Variants in PARD3B observed in about 807,000 individuals in gnomAD.
PARD3B encodes partitioning defective 3 homolog B.
A neutral mutation model predicts 130.2 loss-of-function variants in PARD3B; 103 were observed. That is an observed-to-expected ratio of 0.79 (90% CI 0.67 to 0.93). The LOEUF (loss-of-function observed/expected upper bound fraction) is 0.93, where lower values mean the gene tolerates loss of function less well. PARD3B is among the 40% of genes least tolerant of loss of function. PARD3B has a pLI of 0.00. For synonymous variants in PARD3B, 583 were observed against 553.2 expected (o/e 1.05, Z -0.76); for missense variants, 1,609 against 1,499.2 (o/e 1.07, Z -1.21).
chr2:204,908,373 T>C lies in PARD3B; in HGVS notation c.223-56779T>C, dbSNP rs191816985. On this transcript the variant is annotated intron_variant, in intron 2 of 22. Coordinates refer to ENST00000406610, the MANE Select transcript of PARD3B (RefSeq NM_001302769.2). ...TGTCCAAATTCATGCAAAAAGGAAG[T>C]GGAAGAAATTGAACCCAAATACCAC... 3.1e-3 allele frequency among the ~76,000 whole-genome samples: 473 copies of C among 152,238 alleles called. 2 individuals carry two copies. Among genetic ancestry groups the C allele is most frequent in the African/African-American group, 0.011 (459 of 41,554 alleles).
chr2:205,054,432 ATATATTTTT>A (rs1358979378), intron 4 of PARD3B, among the ~76,000 whole-genome samples: 19 of 30,990 alleles, frequency 6.1e-4, no homozygotes, highest in Admixed American at 1.3e-3. Context: ...ATATATATAT[ATATATTTTT>A]TTTTTTTTTT....
Position 205,585,481 on chromosome 2 carries a change from G to C in PARD3B, c.3261-29975G>C, listed in dbSNP as rs915479343. On this transcript the variant is annotated intron_variant, in intron 22 of 22. Coordinates refer to ENST00000406610, the MANE Select transcript of PARD3B (RefSeq NM_001302769.2). The surrounding 1 kb of genome is among the most constrained non-coding windows in gnomAD (Gnocchi z 5.4). ...TGGGGATGAGAAGGCCAGGATGGTA[G>C]CCTCCGGAAGAATCGGCAGGCATTT... is the stretch of plus-strand genomic sequence containing the variant. 6.6e-6 allele frequency among the ~76,000 whole-genome samples: 1 copy of C among 152,158 alleles called. No individual in the cohort carries two copies. Among genetic ancestry groups the C allele is most frequent in the African/African-American group, 2.4e-5 (1 of 41,446 alleles).
intron 10 of PARD3B, among the ~76,000 whole-genome samples, chr2:205,138,212 T>A (rs944749847): frequency 6.6e-6 from 1 of 152,224 alleles, no homozygotes; most frequent in Non-Finnish European, 1.5e-5. Context: ...ATAATTCTTA[T>A]TCTTATTTTC....
At chr2:204,687,703 A>G (rs2037154360) in intron 2 of PARD3B, among the ~76,000 whole-genome samples, 1 of 152,002 alleles carries the variant, frequency 6.6e-6, no homozygotes, top group Non-Finnish European at 1.5e-5. Flanking sequence ...TAGTTCTTTC[A>G]CCCTGTTTCA....
At chr2:205,149,081 T>A (rs2033567996) in intron 10 of PARD3B, among the ~76,000 whole-genome samples, 1 of 152,178 alleles carries the variant, frequency 6.6e-6, no homozygotes, top group African/African-American at 2.4e-5. Flanking sequence ...CATTTGTGAT[T>A]CCAGAGATGG....
intron 1 of PARD3B, among the ~76,000 whole-genome samples, chr2:204,549,800 G>A (rs941850206): frequency 1.3e-5 from 2 of 152,142 alleles, no homozygotes; most frequent in African/African-American, 2.4e-5. Context: ...ATTATGAAGT[G>A]CAGGGCTTAA....
At chr2:204,861,690 G>C (rs1009586149) in intron 2 of PARD3B, among the ~76,000 whole-genome samples, 1 of 151,948 alleles carries the variant, frequency 6.6e-6, no homozygotes, top group Non-Finnish European at 1.5e-5. Flanking sequence ...ATAATTTTCT[G>C]TCAGTCTTTA....
intron 2 of PARD3B, among the ~76,000 whole-genome samples, chr2:204,712,779 C>G (rs974523261): frequency 1.3e-5 from 2 of 151,894 alleles, no homozygotes; most frequent in African/African-American, 2.4e-5. Context: ...TAGAGTAATA[C>G]CTTTTAAATT....
intron 3 of PARD3B, among the ~76,000 whole-genome samples, chr2:204,979,319 G>T (rs1245569199): frequency 6.6e-6 from 1 of 152,164 alleles, no homozygotes; most frequent in Non-Finnish European, 1.5e-5. Flanking sequence ...GATGAAGGCG[G>T]GCAACCAGCC....
At position 205,244,233 on chromosome 2, in the gene PARD3B, A is replaced by G. The variant is rs1480468553; in HGVS notation, c.2141-1545A>G. Among the ~76,000 whole-genome samples the G allele has an allele frequency of 1.3e-5, 2 of 152,188 alleles. No individual in the cohort carries two copies. Among genetic ancestry groups the G allele is most frequent in the Non-Finnish European group, 1.5e-5 (1 of 68,034 alleles). On this transcript the variant is annotated intron_variant, in intron 15 of 22. Coordinates refer to ENST00000406610, the MANE Select transcript of PARD3B (RefSeq NM_001302769.2). This position sits in a 1 kb window ranked among gnomAD's most constrained non-coding sequence, Gnocchi z 4.7. ...TAAGACTGAATGTTGTGGGCAGAGA[A>G]AAAAAGGGACATGTTACTCTGAGAT... is the stretch of plus-strand genomic sequence containing the variant.
At chr2:204,913,475 C>T (rs942142054) in intron 2 of PARD3B, among the ~76,000 whole-genome samples, 2 of 152,102 alleles carry the variant, frequency 1.3e-5, no homozygotes, top group African/African-American at 2.4e-5. Context: ...GCTGTAGTAC[C>T]GCTAGCACTA....
At chr2:205,518,548 C>A (rs956889871) in intron 21 of PARD3B, among the ~76,000 whole-genome samples, 1 of 152,006 alleles carries the variant, frequency 6.6e-6, no homozygotes, top group Admixed American at 6.6e-5. Flanking sequence ...CCATTCTGTG[C>A]CTTTTTAAGT....
chr2:205,073,474 C>T (rs368381673), intron 4 of PARD3B, among the ~76,000 whole-genome samples: 3 of 151,870 alleles, frequency 2.0e-5, no homozygotes, highest in Admixed American at 6.5e-5. Context: ...GCTATTTTTT[C>T]GGGAAAAAAA....
intron 20 of PARD3B, among the ~76,000 whole-genome samples, chr2:205,482,376 A>G (rs956153739): frequency 1.3e-5 from 2 of 152,170 alleles, no homozygotes; most frequent in Non-Finnish European, 2.9e-5. Flanking sequence ...GCAGTGGTGA[A>G]GGTACAAACC....
chr2:205,104,961 A>G (rs1703098137), intron 5 of PARD3B, among the ~76,000 whole-genome samples: 1 of 152,164 alleles, frequency 6.6e-6, no homozygotes, highest in Non-Finnish European at 1.5e-5. Flanking sequence ...ATGAAATAAA[A>G]TGAACCCTGT....
intron 3 of PARD3B, among the ~76,000 whole-genome samples, chr2:205,036,270 TATAA>T (rs1228934622): frequency 2.0e-5 from 3 of 147,018 alleles, no homozygotes; most frequent in African/African-American, 7.4e-5. Context: ...GGGCTATATA[TATAA>T]ATATATGTAT....
At chr2:204,655,355 C>A (rs1470412005) in intron 1 of PARD3B, among the ~76,000 whole-genome samples, 2 of 152,118 alleles carry the variant, frequency 1.3e-5, no homozygotes, top group Non-Finnish European at 2.9e-5. Context: ...ACATTCCTTT[C>A]TCTTCCTCAG....
chr2:205,489,675 T>G (rs777890689), intron 20 of PARD3B, among the ~76,000 whole-genome samples: 1 of 151,884 alleles, frequency 6.6e-6, no homozygotes, highest in Non-Finnish European at 1.5e-5. Flanking sequence ...CAAAACTGAC[T>G]TCTAAAATTT....
chr2:205,464,279 A>G (rs1001306548), intron 20 of PARD3B, among the ~76,000 whole-genome samples: 1 of 152,188 alleles, frequency 6.6e-6, no homozygotes, highest in Non-Finnish European at 1.5e-5. Context: ...TACCTGAATA[A>G]ATATTGGATA....
Sources: gnomAD v4.1 joint callset for allele counts (sites outside exome capture counted in the v4.1 genomes callset) on GRCh38, gnomAD v4.1.1 for gene constraint, Gnocchi (gnomAD v3.1) non-coding constraint, MANE v1.5 for transcripts, NCBI Gene and HGNC (gene_info 2026-07-23, HGNC 2026-07-21) for gene names.